The following UTRN variants were observed in gnomAD, a reference collection of about 807,000 sequenced individuals.
The protein encoded by UTRN is utrophin.
Under a neutral mutation model 463.9 loss-of-function variants are expected in UTRN, and 283 were observed. The observed-to-expected ratio is 0.61, with a 90% CI of 0.55 to 0.67. The LOEUF (loss-of-function observed/expected upper bound fraction) is 0.67. Among genes scored for constraint, UTRN ranks in the 30% least tolerant of loss-of-function variants. The pLI is 0.00. For synonymous variants in UTRN, 1,442 were observed against 1,431.5 expected (o/e 1.01, Z -0.17); for missense variants, 3,922 against 4,084.3 (o/e 0.96, Z 1.08).
intron 51 of UTRN, among the ~76,000 whole-genome samples, chr6:144,677,390 G>T (rs949388417): frequency 6.6e-6 from 1 of 152,038 alleles, no homozygotes; most frequent in Non-Finnish European, 1.5e-5. Context: ...TCCTGTGTTA[G>T]TTGCTGAGGA....
chr6:144,799,770 T>C (rs1586625479), intron 64 of UTRN, among the ~76,000 whole-genome samples: 1 of 152,308 alleles, frequency 6.6e-6, no homozygotes, highest in Non-Finnish European at 1.5e-5. Context: ...GAACTAAGAC[T>C]CCAAGATTAG....
At chr6:144,440,275 C>T in intron 12 of UTRN, 77 bp from the exon 13 acceptor site, 1 of 1,482,230 alleles carries the variant, frequency 6.7e-7, no homozygotes, top group Non-Finnish European at 9.4e-7. Context: ...TCCTTAATTA[C>T]TATTGACAAC....
intron 2 of UTRN, among the ~76,000 whole-genome samples, chr6:144,340,030 G>A (rs1431165319): frequency 2.6e-5 from 4 of 152,210 alleles, no homozygotes; most frequent in Non-Finnish European, 5.9e-5. Flanking sequence ...AGCCGGGCAT[G>A]GTGGTGCCCA....
intron 73 of UTRN, among the ~76,000 whole-genome samples, chr6:144,846,091 G>A (rs1475581938): frequency 6.6e-6 from 1 of 152,150 alleles, no homozygotes; most frequent in Non-Finnish European, 1.5e-5. Context: ...GCAAAAGAGG[G>A]GACGAAAAGC....
rs528434668 is a variant in UTRN, at chr6:144,742,045, A to T, written c.7940-6201A>T. On this transcript the variant is annotated intron_variant, in intron 54 of 74. Coordinates refer to ENST00000367545, the MANE Select transcript of UTRN (RefSeq NM_007124.3). ...TAGTCCCTAAATCTGTTTACTTTTG[A>T]GGTCTTGATGTTCCCTAAATATATC... Among the ~76,000 whole-genome samples, 7 of 151,710 alleles carry T rather than the reference A, an allele frequency of 4.6e-5. No homozygotes were observed. The South Asian group carries it at 1.3e-3, about 27-fold the overall frequency.
At chr6:144,388,950 AC>A (rs1223912212) in intron 2 of UTRN, among the ~76,000 whole-genome samples, 1 of 152,142 alleles carries the variant, frequency 6.6e-6, no homozygotes, top group Non-Finnish European at 1.5e-5. Flanking sequence ...CCTGGTATGA[AC>A]CCTGAATATC....
chr6:144,322,369 G>T lies in UTRN; in HGVS notation c.79+30462G>T, dbSNP rs1775714426. 1.3e-5 allele frequency among the ~76,000 whole-genome samples: 2 copies of T among 152,152 alleles called. 1 individual carries two copies. Among genetic ancestry groups the T allele is most frequent in the Admixed American group, 1.3e-4 (2 of 15,276 alleles). ...AGCACCTGGTGAGCATTCACTGAAT[G>T]TGTCTGATGGATTTACCACACTCAT... On this transcript the variant is annotated intron_variant, in intron 2 of 74. Transcript: ENST00000367545.
chr6:144,696,290 C>A (rs965564197), intron 52 of UTRN, among the ~76,000 whole-genome samples: 1 of 151,558 alleles, frequency 6.6e-6, no homozygotes, highest in Admixed American at 6.6e-5. Context: ...GAACTTTCTC[C>A]AATGATAGAA....
At chr6:144,595,971 G>A (rs1333367281) in intron 51 of UTRN, among the ~76,000 whole-genome samples, 1 of 152,052 alleles carries the variant, frequency 6.6e-6, no homozygotes, top group East Asian at 1.9e-4. Flanking sequence ...ACGGTGTGGT[G>A]GTAAAGAAAG....
At chr6:144,685,451 G>A (rs900642931) in intron 52 of UTRN, among the ~76,000 whole-genome samples, 2 of 151,934 alleles carry the variant, frequency 1.3e-5, no homozygotes, top group Admixed American at 6.5e-5. Context: ...TGAGGAATCT[G>A]CTTAGAGATT....
rs559828161 is a variant in UTRN, at chr6:144,451,143, T to C, written c.2073-227T>C. On this transcript the variant is annotated intron_variant, in intron 17 of 74. Coordinates refer to ENST00000367545, the MANE Select transcript of UTRN (RefSeq NM_007124.3). ...ACAACAACAACAACAAATTATTTAATTATTTTCTTCAATTGTTTATTAACC... is the reference window on the plus strand; with the variant it reads ...ACAACAACAACAACAAATTATTTAACTATTTTCTTCAATTGTTTATTAACC... 1.6e-4 allele frequency among the ~76,000 whole-genome samples: 24 copies of C among 152,020 alleles called. No individual in the cohort carries two copies. The East Asian group carries it at 3.7e-3, about 23-fold the overall frequency.
chr6:144,361,277 G>A (rs1779054543), intron 2 of UTRN, among the ~76,000 whole-genome samples: 1 of 152,198 alleles, frequency 6.6e-6, no homozygotes, highest in Admixed American at 6.5e-5. Context: ...CTTGTAGTTT[G>A]TGGCTAAAAA....
intron 2 of UTRN, among the ~76,000 whole-genome samples, chr6:144,384,290 C>G (rs1024521501): frequency 2.0e-5 from 3 of 152,070 alleles, no homozygotes; most frequent in African/African-American, 7.2e-5. Context: ...GGTGGGTAAT[C>G]GAGCATTACC....
intron 51 of UTRN, among the ~76,000 whole-genome samples, chr6:144,638,408 G>T (rs1171073707): frequency 6.6e-6 from 1 of 152,146 alleles, no homozygotes; most frequent in Non-Finnish European, 1.5e-5. Flanking sequence ...TTTGAATGTG[G>T]TGAAATTGGT....
chr6:144,727,519 G>A (rs1359117720), intron 53 of UTRN, among the ~76,000 whole-genome samples: 2 of 152,184 alleles, frequency 1.3e-5, no homozygotes, highest in Admixed American at 1.3e-4. Flanking sequence ...AGCACTTTGG[G>A]AGGCCAAGGC....
chr6:144,658,571 G>A (rs192226773), intron 51 of UTRN, among the ~76,000 whole-genome samples: 74 of 152,074 alleles, frequency 4.9e-4, no homozygotes, highest in Admixed American at 1.4e-3. Context: ...ATGCCCTGAT[G>A]CAAAAAAAGT....
intron 51 of UTRN, among the ~76,000 whole-genome samples, chr6:144,621,322 T>C (rs1166951006): frequency 6.6e-6 from 1 of 152,198 alleles, no homozygotes; most frequent in Non-Finnish European, 1.5e-5. Flanking sequence ...AACCATACTG[T>C]ATATGAAACT....
chr6:144,816,970 A>G (rs893315768), intron 65 of UTRN, among the ~76,000 whole-genome samples: 2 of 152,198 alleles, frequency 1.3e-5, no homozygotes, highest in African/African-American at 4.8e-5. Context: ...GGACAAATTT[A>G]GGATGCAATA....
intron 48 of UTRN, among the ~76,000 whole-genome samples, chr6:144,553,645 G>A (rs565887638): frequency 4.4e-4 from 67 of 152,166 alleles, no homozygotes; most frequent in African/African-American, 1.6e-3. Context: ...AGCCGGGTGC[G>A]TTGGCTCATG....
Sources: allele counts gnomAD v4.1 joint callset (sites outside exome capture counted in the v4.1 genomes callset), GRCh38; gene constraint gnomAD v4.1.1; transcripts MANE v1.5; gene names NCBI Gene and HGNC (gene_info 2026-07-23, HGNC 2026-07-21).